The following TRIM2 variants were observed in gnomAD, a reference collection of about 807,000 sequenced individuals.
TRIM2 encodes the protein tripartite motif containing 2.
Under a neutral mutation model 75.2 loss-of-function variants are expected in TRIM2, and 20 were observed. That is an observed-to-expected ratio of 0.27 (90% CI 0.19 to 0.39). The LOEUF (loss-of-function observed/expected upper bound fraction) is 0.39, where lower values mean the gene tolerates loss of function less well. Among genes scored for constraint, TRIM2 ranks in the 10% least tolerant of loss-of-function variants. The probability of loss-of-function intolerance (pLI) is 1.00; values close to 1 mark genes in which losing one functional copy is unlikely to be tolerated. For synonymous variants in TRIM2, 373 were observed against 388.3 expected (o/e 0.96, Z 0.46); for missense variants, 660 against 990.8 (o/e 0.67, Z 4.48).
In TRIM2 at chr4:153,339,277, C is replaced by G. The variant is rs1294564805; in HGVS notation, c.*4311C>G. 1.3e-6 allele frequency: 1 copy of G among 746,200 alleles called. No individual in the cohort carries two copies. Among genetic ancestry groups the G allele is most frequent in the East Asian group, 1.3e-4 (1 of 7,734 alleles). 46.2% of individuals were successfully genotyped at this position (746,200 alleles called of 1,614,324 possible). ...GATTCATGTGTATCTCTTTACCATGCACAAAATCTCAAATCATTATAATAA... is the reference window on the plus strand; with the variant it reads ...GATTCATGTGTATCTCTTTACCATGGACAAAATCTCAAATCATTATAATAA... On this transcript the variant is annotated 3_prime_UTR_variant, in exon 12 of 12. Coordinates refer to ENST00000338700, the MANE Select transcript of TRIM2 (RefSeq NM_015271.5).
chr4:153,179,455 TA>T (rs990469988), intron 1 of TRIM2, among the ~76,000 whole-genome samples: 1 of 152,048 alleles, frequency 6.6e-6, no homozygotes, highest in Admixed American at 6.6e-5. Context: ...CTCCCAGACT[TA>T]TTTCCCCAAC....
chr4:153,269,092 G>T (rs577255772), intron 1 of TRIM2, among the ~76,000 whole-genome samples: 2 of 152,252 alleles, frequency 1.3e-5, no homozygotes, highest in Non-Finnish European at 1.5e-5. Context: ...CCCTCCTAGA[G>T]TATGTGCCTA....
Position 153,339,180 on chromosome 4 carries a change from C to A in TRIM2, c.*4214C>A, listed in dbSNP as rs77877975. 3.1e-4 allele frequency: 302 copies of A among 985,758 alleles called. No homozygotes were observed. In the African/African-American group the frequency reaches 4.4e-3, roughly 14 times the overall value. The allele number at this position is 985,758 out of a possible 1,614,324, so 61.1% of individuals were successfully genotyped here. Reference sequence around the variant, plus strand: ...TGTATGTTCGTAGCTACATACGTACCACAGTATTTTGGATGCTTTAGTCTA... The same window carrying A: ...TGTATGTTCGTAGCTACATACGTACAACAGTATTTTGGATGCTTTAGTCTA... On this transcript the variant is annotated 3_prime_UTR_variant, in exon 12 of 12. Coordinates refer to ENST00000338700, the MANE Select transcript of TRIM2 (RefSeq NM_015271.5).
intron 1 of TRIM2, among the ~76,000 whole-genome samples, chr4:153,250,523 C>G (rs1053958081): frequency 2.6e-5 from 4 of 152,192 alleles, no homozygotes; most frequent in African/African-American, 9.7e-5. Context: ...AAAAAGCATC[C>G]TGAGTTCCAT....
intron 3 of TRIM2, among the ~76,000 whole-genome samples, chr4:153,277,607 G>C (rs992788977): frequency 2.0e-5 from 3 of 152,180 alleles, no homozygotes; most frequent in Non-Finnish European, 4.4e-5. Context: ...CAAAGTAGTT[G>C]TTGGTTACTT....
chr4:153,223,594 G>T (rs1741303077), intron 1 of TRIM2, among the ~76,000 whole-genome samples: 1 of 152,130 alleles, frequency 6.6e-6, no homozygotes, highest in African/African-American at 2.4e-5. Flanking sequence ...CTTGCCCGGT[G>T]TTGAAAGCTG....
intron 1 of TRIM2, among the ~76,000 whole-genome samples, chr4:153,244,259 C>T (rs10003874): frequency 0.46 from 5,868 of 12,758 alleles, 541 homozygotes; most frequent in Middle Eastern, 0.5. Context: ...TTCTTTCCTC[C>T]TCCTCCTCCT....
At chr4:153,211,688 C>G (rs1737069419) in intron 1 of TRIM2, among the ~76,000 whole-genome samples, 1 of 151,624 alleles carries the variant, frequency 6.6e-6, no homozygotes, top group Non-Finnish European at 1.5e-5. Context: ...GGGATTTTAC[C>G]ATGTTGCCTG....
At chr4:153,278,134 C>T (rs903610797) in intron 3 of TRIM2, among the ~76,000 whole-genome samples, 32 of 152,244 alleles carry the variant, frequency 2.1e-4, no homozygotes, top group South Asian at 1.5e-3. Flanking sequence ...GAGACAGAGT[C>T]TCAATCTGTC....
In TRIM2 at chr4:153,248,473, C is replaced by G. The variant is rs1749907359; in HGVS notation, c.31-21862C>G. ...AGCCAGGATCCAAACCCATTCTTGG[C>G]TCTAGAGCCCATCCTCTTCTCCACT... On this transcript the variant is annotated intron_variant, in intron 1 of 11. Transcript: ENST00000338700. The surrounding 1 kb of genome is among the most constrained non-coding windows in gnomAD (Gnocchi z 4.0). Among the ~76,000 whole-genome samples, 1 of 152,214 alleles carries G rather than the reference C, an allele frequency of 6.6e-6. No individual in the cohort carries two copies. The highest frequency in any genetic ancestry group is 2.1e-4 in the South Asian group (1 of 4,828).
chr4:153,178,448 G>C (rs1731700465), intron 1 of TRIM2, among the ~76,000 whole-genome samples: 1 of 152,204 alleles, frequency 6.6e-6, no homozygotes, highest in African/African-American at 2.4e-5. Context: ...AGAATACCTT[G>C]AGTCAGAATG....
chr4:153,219,977 G>C (rs1739514687), intron 1 of TRIM2, among the ~76,000 whole-genome samples: 1 of 152,210 alleles, frequency 6.6e-6, no homozygotes, highest in African/African-American at 2.4e-5. Flanking sequence ...ATTTTGCAAA[G>C]CCCTGTCCTG....
intron 1 of TRIM2, among the ~76,000 whole-genome samples, chr4:153,197,378 G>C (rs1733883015): frequency 6.6e-6 from 1 of 152,132 alleles, no homozygotes; most frequent in Non-Finnish European, 1.5e-5. Context: ...TATTTGCAAA[G>C]CCCTTCAATG....
chr4:153,183,050 A>AAATG (rs746418419), intron 1 of TRIM2, among the ~76,000 whole-genome samples: 1 of 152,214 alleles, frequency 6.6e-6, no homozygotes. Context: ...AAGAATGAAT[A>AAATG]AATGAATGAA....
chr4:153,186,563 G>A (rs1436880061), intron 1 of TRIM2, among the ~76,000 whole-genome samples: 4 of 152,248 alleles, frequency 2.6e-5, no homozygotes, highest in Admixed American at 1.3e-4. Flanking sequence ...TTTTGTTGGC[G>A]CTCAAGGGAC....
At chr4:153,155,145 AAAAG>A (rs966147599) in intron 1 of TRIM2, among the ~76,000 whole-genome samples, 3 of 152,228 alleles carry the variant, frequency 2.0e-5, no homozygotes, top group Non-Finnish European at 2.9e-5. Flanking sequence ...GTCTCAAAAA[AAAAG>A]AAAGAAAGAA....
At chr4:153,224,737 T>C (rs1478123702) in intron 1 of TRIM2, among the ~76,000 whole-genome samples, 1 of 152,250 alleles carries the variant, frequency 6.6e-6, no homozygotes, top group Non-Finnish European at 1.5e-5. Flanking sequence ...CACTCACATC[T>C]TGAATATTTT....
intron 1 of TRIM2, among the ~76,000 whole-genome samples, chr4:153,179,066 T>C (rs1316832881): frequency 6.6e-6 from 1 of 152,040 alleles, no homozygotes; most frequent in African/African-American, 2.4e-5. Flanking sequence ...TGGCACTTAC[T>C]TGTGGTCCCA....
rs543016004 is a variant in TRIM2, at chr4:153,309,044, T to G, written c.1511-6441T>G. On this transcript the variant is annotated intron_variant, in intron 6 of 11. Transcript: ENST00000338700. ...AAGTGCTAGGCACTATGCTGTGTTA[T>G]AGGGTGCAATGGTGTACAGGACAGA... Among the ~76,000 whole-genome samples, 13 of 152,330 alleles carry G rather than the reference T, an allele frequency of 8.5e-5. No homozygotes were observed. The South Asian group carries it at 2.7e-3, about 32-fold the overall frequency.
Sources: allele counts gnomAD v4.1 joint callset (sites outside exome capture counted in the v4.1 genomes callset), GRCh38; gene constraint gnomAD v4.1.1; non-coding constraint Gnocchi (gnomAD v3.1); transcripts MANE v1.5; gene names NCBI Gene and HGNC (gene_info 2026-07-23, HGNC 2026-07-21).